Variants in UXS1 observed in about 807,000 individuals in gnomAD.
UXS1 encodes the protein UDP-glucuronic acid decarboxylase 1.
In UXS1, 33 loss-of-function variants were observed where a neutral mutation model predicts 62.6. That is an observed-to-expected ratio of 0.53 (90% confidence interval 0.40 to 0.70). The LOEUF (loss-of-function observed/expected upper bound fraction) is 0.70. UXS1 is among the 30% of genes least tolerant of loss of function. The pLI is 0.00. For synonymous variants in UXS1, 213 were observed against 206.8 expected (o/e 1.03, Z -0.26); for missense variants, 434 against 556.3 (o/e 0.78, Z 2.21).
intron 6 of UXS1, among the ~76,000 whole-genome samples, chr2:106,130,503 C>G (rs1253944969): frequency 6.6e-6 from 1 of 152,202 alleles, no homozygotes; most frequent in African/African-American, 2.4e-5. Context: ...CCATGTCATG[C>G]CATTCTACTT....
intron 1 of UXS1, among the ~76,000 whole-genome samples, chr2:106,192,044 G>A (rs768070822): frequency 3.4e-4 from 52 of 152,168 alleles, no homozygotes; most frequent in Non-Finnish European, 6.5e-4. Context: ...GAAACTTGAG[G>A]TGGGAGACAA....
chr2:106,186,377 A>T (rs1684551764), intron 1 of UXS1, among the ~76,000 whole-genome samples: 1 of 152,254 alleles, frequency 6.6e-6, no homozygotes, highest in African/African-American at 2.4e-5. Flanking sequence ...ACTGAACTTA[A>T]TCATAAGGAA....
intron 1 of UXS1, among the ~76,000 whole-genome samples, chr2:106,187,118 G>A (rs1684610327): frequency 6.6e-6 from 1 of 152,088 alleles, no homozygotes; most frequent in Non-Finnish European, 1.5e-5. Flanking sequence ...TAGGCATCTG[G>A]TGAATCTGGG....
chr2:106,158,606 C>T (rs538056642), intron 4 of UXS1, among the ~76,000 whole-genome samples: 2 of 152,244 alleles, frequency 1.3e-5, no homozygotes, highest in Non-Finnish European at 2.9e-5. Flanking sequence ...TATAGTTAAA[C>T]GATGAGGCAA....
At chr2:106,162,370 G>A (rs77808647) in intron 4 of UXS1, among the ~76,000 whole-genome samples, 1 of 152,266 alleles carries the variant, frequency 6.6e-6, no homozygotes, top group East Asian at 1.9e-4. Flanking sequence ...CTCACATGTT[G>A]AGAGCTCTTG....
chr2:106,093,929 A>T lies in UXS1; in HGVS notation c.*97T>A, dbSNP rs915942487. The T allele has an allele frequency of 7.0e-7, 1 of 1,421,262 alleles. No homozygotes were observed. Among genetic ancestry groups the T allele is most frequent in the Non-Finnish European group, 9.3e-7 (1 of 1,077,272 alleles). The allele number at this position is 1,421,262 out of a possible 1,614,324, so 88.0% of individuals were successfully genotyped here. ...GAAATTCCAGTTTGTTCTTCATGAC[A>T]CCTGTTAAAGTCTTTCTTTAAACGA... is the stretch of plus-strand genomic sequence containing the variant. On this transcript the variant is annotated 3_prime_UTR_variant, in exon 15 of 15. Transcript: ENST00000283148.
intron 1 of UXS1, among the ~76,000 whole-genome samples, chr2:106,169,350 C>T (rs927336386): frequency 2.6e-5 from 4 of 152,166 alleles, no homozygotes; most frequent in Admixed American, 1.3e-4. Flanking sequence ...ATCATTCCAT[C>T]GTTATTTGCT....
chr2:106,146,286 C>T (rs550216813), intron 5 of UXS1, among the ~76,000 whole-genome samples: 88 of 152,246 alleles, frequency 5.8e-4, no homozygotes, highest in African/African-American at 1.8e-3. Flanking sequence ...CTTCTCTTCA[C>T]CAAAATTCTC....
intron 1 of UXS1, among the ~76,000 whole-genome samples, chr2:106,184,184 T>A (rs1428059793): frequency 6.6e-6 from 1 of 151,618 alleles, no homozygotes; most frequent in Non-Finnish European, 1.5e-5. Context: ...AGAGCAAAAC[T>A]CCATCTCAGA....
chr2:106,109,316 G>C (rs1266606488), intron 10 of UXS1, among the ~76,000 whole-genome samples: 2 of 152,178 alleles, frequency 1.3e-5, no homozygotes, highest in African/African-American at 4.8e-5. Flanking sequence ...AAGGCCCAAT[G>C]TAAGAATCAC....
intron 5 of UXS1, among the ~76,000 whole-genome samples, chr2:106,148,932 T>C (rs1681799836): frequency 1.3e-5 from 2 of 152,242 alleles, no homozygotes; most frequent in Non-Finnish European, 2.9e-5. Flanking sequence ...TGTCTCAGTG[T>C]GCTTTCTTGC....
chr2:106,105,387 G>A (rs974677481), intron 10 of UXS1, among the ~76,000 whole-genome samples: 3 of 67,548 alleles, frequency 4.4e-5, no homozygotes, highest in African/African-American at 1.0e-4. Context: ...AAAGTGATGC[G>A]GAGGTGGCAG....
intron 5 of UXS1, among the ~76,000 whole-genome samples, chr2:106,157,004 G>A (rs1047536155): frequency 6.6e-6 from 1 of 152,168 alleles, no homozygotes; most frequent in African/African-American, 2.4e-5. Context: ...AAGGTCAAAT[G>A]TTGCATTATC....
chr2:106,188,913 T>C (rs1276317636), intron 1 of UXS1, among the ~76,000 whole-genome samples: 1 of 152,216 alleles, frequency 6.6e-6, no homozygotes, highest in Non-Finnish European at 1.5e-5. Flanking sequence ...CATGTTTTAG[T>C]TTTTTAAAAA....
chr2:106,100,610 A>G (rs1020368439), intron 12 of UXS1, among the ~76,000 whole-genome samples: 2 of 152,224 alleles, frequency 1.3e-5, no homozygotes, highest in Non-Finnish European at 2.9e-5. Context: ...GTGGGCAGGC[A>G]TGCAGGGAAG....
chr2:106,131,311 C>T (rs1302799155), intron 6 of UXS1, among the ~76,000 whole-genome samples: 1 of 112,350 alleles, frequency 8.9e-6, no homozygotes, highest in South Asian at 3.6e-4. Flanking sequence ...AACTGCAAGG[C>T]GGCAACGAGG....
At chr2:106,192,903 T>TA (rs1481470451) in intron 1 of UXS1, among the ~76,000 whole-genome samples, 1 of 152,198 alleles carries the variant, frequency 6.6e-6, no homozygotes, top group Non-Finnish European at 1.5e-5. Flanking sequence ...TAGGTAGTAT[T>TA]ACTGCCATAA....
rs142604372 is a variant in UXS1 at position 106,104,540 on chromosome 2, T to G, written c.923+254A>C. Among the ~76,000 whole-genome samples, 936 of 152,254 alleles carry G rather than the reference T, an allele frequency of 6.1e-3. 6 individuals carry two copies. The highest frequency in any genetic ancestry group is 0.021 in the African/African-American group (877 of 41,536). ...AAGTCACCCTCAGAGCTGGGCAACT[T>G]CACCCACACACCGCTAGGTGGCAGT... On this transcript the variant is annotated intron_variant, in intron 11 of 14. Coordinates refer to ENST00000283148, the MANE Select transcript of UXS1 (RefSeq NM_001253875.2).
chr2:106,176,016 C>T (rs1573570392), intron 1 of UXS1, among the ~76,000 whole-genome samples: 1 of 152,180 alleles, frequency 6.6e-6, no homozygotes, highest in Non-Finnish European at 1.5e-5. Flanking sequence ...GGGCTAAATC[C>T]CTCCTCACCC....
Sources: gnomAD v4.1 joint callset for allele counts (sites outside exome capture counted in the v4.1 genomes callset) on GRCh38, gnomAD v4.1.1 for gene constraint, MANE v1.5 for transcripts, NCBI Gene and HGNC (gene_info 2026-07-23, HGNC 2026-07-21) for gene names.